ARSB: variants seen among roughly 807,000 people sequenced by gnomAD.
The protein encoded by ARSB is N-acetylgalactosamine-4-sulfatase.
ARSB carries 41 observed loss-of-function variants against 50.9 expected under a neutral mutation model. The observed-to-expected ratio is 0.81, with a 90% CI of 0.63 to 1.04. ARSB has a LOEUF of 1.04. Among genes scored for constraint, ARSB ranks in the 50% least tolerant of loss-of-function variants. The pLI is 0.00. For missense variants in ARSB, 672 were observed against 693.3 expected, an observed-to-expected ratio of 0.97 and a Z score of 0.35; for synonymous variants, 269 against 284.8, an observed-to-expected ratio of 0.94 and a Z score of 0.56.
At chr5:78,833,334 C>T (rs189354841) in intron 6 of ARSB, among the ~76,000 whole-genome samples, 3 of 60,272 alleles carry the variant, frequency 5.0e-5, no homozygotes, top group South Asian at 7.3e-4. Context: ...TGCTGCTGGA[C>T]GAAGACAGAA....
chr5:78,845,622 A>G (rs868457593), intron 5 of ARSB, among the ~76,000 whole-genome samples: 16 of 152,158 alleles, frequency 1.1e-4, no homozygotes, highest in Middle Eastern at 6.8e-3. Context: ...GCATTCTCTC[A>G]TGATTAGTGA....
At chr5:78,966,738 A>G (rs946941825) in intron 2 of ARSB, among the ~76,000 whole-genome samples, 2 of 152,170 alleles carry the variant, frequency 1.3e-5, no homozygotes, top group African/African-American at 4.8e-5. Flanking sequence ...ACAATTCAAA[A>G]TATCTACAGC....
chr5:78,858,676 A>C (rs922005839), intron 5 of ARSB, among the ~76,000 whole-genome samples: 1 of 152,214 alleles, frequency 6.6e-6, no homozygotes, highest in African/African-American at 2.4e-5. Flanking sequence ...AGCAATGACA[A>C]TACTTTCTGA....
intron 4 of ARSB, among the ~76,000 whole-genome samples, chr5:78,921,980 C>T (rs1015770482): frequency 2.0e-5 from 3 of 152,066 alleles, no homozygotes; most frequent in Non-Finnish European, 2.9e-5. Flanking sequence ...AAAGCAACAC[C>T]GGCAGAATTC....
At chr5:78,801,403 G>C (rs2112645850) in intron 6 of ARSB, among the ~76,000 whole-genome samples, 1 of 152,326 alleles carries the variant, frequency 6.6e-6, no homozygotes, top group Middle Eastern at 3.4e-3. Flanking sequence ...ACGATGAATA[G>C]AGCAGGAAAA....
intron 6 of ARSB, among the ~76,000 whole-genome samples, chr5:78,825,761 G>T (rs190806872): frequency 6.6e-6 from 1 of 151,742 alleles, no homozygotes; most frequent in Non-Finnish European, 1.5e-5. Context: ...TATTTTTTTC[G>T]AAGGAGTTTT....
intron 5 of ARSB, among the ~76,000 whole-genome samples, chr5:78,840,932 T>C (rs784581): frequency 0.49 from 74,997 of 151,924 alleles, 18,775 homozygotes; most frequent in African/African-American, 0.58. Context: ...AGAAATGATA[T>C]GTAAAGAAAA....
chr5:78,858,810 C>T (rs1215923008), intron 5 of ARSB, among the ~76,000 whole-genome samples: 1 of 152,228 alleles, frequency 6.6e-6, no homozygotes, highest in African/African-American at 2.4e-5. Flanking sequence ...ATCATCTTCA[C>T]TACCAGCTAC....
At chr5:78,840,880 G>A (rs1386200970) in intron 5 of ARSB, among the ~76,000 whole-genome samples, 1 of 152,080 alleles carries the variant, frequency 6.6e-6, no homozygotes, top group Non-Finnish European at 1.5e-5. Context: ...AGTCCAAAAT[G>A]CCAGGAACTA....
chr5:78,881,954 A>G (rs1747766561), intron 5 of ARSB, among the ~76,000 whole-genome samples: 1 of 152,274 alleles, frequency 6.6e-6, no homozygotes, highest in Non-Finnish European at 1.5e-5. Context: ...TAGGTTTAAC[A>G]AAGTATGGAC....
At chr5:78,879,480 A>G (rs1277164842) in intron 5 of ARSB, among the ~76,000 whole-genome samples, 1 of 152,360 alleles carries the variant, frequency 6.6e-6, no homozygotes, top group South Asian at 2.1e-4. Context: ...AGCAGTCCTA[A>G]GAGAAATTTG....
At chr5:78,849,137 G>C (rs989406835) in intron 5 of ARSB, among the ~76,000 whole-genome samples, 19 of 152,040 alleles carry the variant, frequency 1.2e-4, no homozygotes, top group Admixed American at 1.3e-4. Flanking sequence ...TGAAGTCCTT[G>C]CCCATGCCTA....
chr5:78,778,005 T>G lies in ARSB; in HGVS notation c.*2392A>C, dbSNP rs1230199195. 1 of 152,148 alleles carries G rather than the reference T, an allele frequency of 6.6e-6. No individual in the cohort carries two copies. The highest frequency in any genetic ancestry group is 1.5e-5 in the Non-Finnish European group (1 of 68,036). The allele number at this position is 152,148 out of a possible 1,614,324, so 9.4% of individuals were successfully genotyped here. A position where few individuals can be genotyped will look rare whatever the true frequency, so the allele number is the denominator to read the frequency against. ...CTCAAGTACTTGTTTTACAAAAAAT[T>G]AAGTCTTCAAAACTCTTTTGAAGTC... On this transcript the variant is annotated 3_prime_UTR_variant, in exon 8 of 8. Transcript: ENST00000264914.
chr5:78,817,526 A>G (rs1744043292), intron 6 of ARSB, among the ~76,000 whole-genome samples: 1 of 152,184 alleles, frequency 6.6e-6, no homozygotes, highest in African/African-American at 2.4e-5. Context: ...GATCTCTGAT[A>G]GGCCGGGCGC....
At chr5:78,942,881 G>A (rs1197994732) in intron 4 of ARSB, among the ~76,000 whole-genome samples, 4 of 152,186 alleles carry the variant, frequency 2.6e-5, no homozygotes, top group Non-Finnish European at 4.4e-5. Flanking sequence ...ACAGTGGGGT[G>A]TTAATGTCTC....
In ARSB at chr5:78,909,634, G is replaced by C. The variant is rs1480138789; in HGVS notation, c.899-23807C>G. ...AAAGTCATCGCCATTCTCCATTCTC[G>C]ATAAACCAGGGGCACAATGCACTGC... On this transcript the variant is annotated intron_variant, in intron 4 of 7. Transcript: ENST00000264914. 1.3e-5 allele frequency among the ~76,000 whole-genome samples: 2 copies of C among 152,112 alleles called. 1 individual carries two copies. Among genetic ancestry groups the C allele is most frequent in the Admixed American group, 1.3e-4 (2 of 15,278 alleles).
At chr5:78,816,225 T>A (rs1383114341) in intron 6 of ARSB, 33 of 1,597,162 alleles carry the variant, frequency 2.1e-5, no homozygotes, top group Non-Finnish European at 2.7e-5. Flanking sequence ...CACTAGACTG[T>A]GAATTCCTAA....
chr5:78,809,771 C>T (rs112557277), intron 6 of ARSB, among the ~76,000 whole-genome samples: 2,911 of 152,372 alleles, frequency 0.019, 94 homozygotes, highest in African/African-American at 0.066. Flanking sequence ...GGACCTGGAG[C>T]CAGCCTTGCC....
At chr5:78,962,524 A>ATTTTTTTTTTTT (rs10683109) in intron 3 of ARSB, among the ~76,000 whole-genome samples, 2 of 106,222 alleles carry the variant, frequency 1.9e-5, no homozygotes, top group African/African-American at 7.9e-5. Context: ...CATGTGCTCG[A>ATTTTTTTTTTTT]TTTTTTTTTT....
Sources: gnomAD v4.1 joint callset for allele counts (sites outside exome capture counted in the v4.1 genomes callset) on GRCh38, gnomAD v4.1.1 for gene constraint, MANE v1.5 for transcripts, NCBI Gene and HGNC (gene_info 2026-07-23, HGNC 2026-07-21) for gene names.